Variants in CDK2AP2 observed in about 807,000 individuals in gnomAD.
The protein encoded by CDK2AP2 is cyclin dependent kinase 2 associated protein 2.
A neutral mutation model predicts 13.0 loss-of-function variants in CDK2AP2; 1 was observed. The ratio of observed to expected loss-of-function variants is 0.08; its 90% CI spans 0.03 to 0.37. The LOEUF (loss-of-function observed/expected upper bound fraction) is 0.37, where lower values mean the gene tolerates loss of function less well. Among genes scored for constraint, CDK2AP2 ranks in the 10% least tolerant of loss-of-function variants. CDK2AP2 has a pLI of 0.99. For missense variants in CDK2AP2, 129 were observed against 175.8 expected (o/e 0.73, Z 1.50); for synonymous variants, 76 against 73.0 (o/e 1.04, Z -0.21).
chr11:67,507,812 A>T, intron 1 of CDK2AP2, 123 bp from the exon 2 acceptor site: 1 of 1,537,558 alleles, frequency 6.5e-7, no homozygotes, highest in Non-Finnish European at 8.7e-7. Context: ...ATGCTGATCA[A>T]CTTCAGGGAC....
intron 1 of CDK2AP2, 128 bp downstream of exon 1, chr11:67,507,873 C>T: frequency 1.3e-6 from 2 of 1,541,482 alleles, no homozygotes; most frequent in Non-Finnish European, 1.7e-6. Context: ...ACCACGCCCA[C>T]TTCACAGGCC....
At position 67,507,450 on chromosome 11, in the gene CDK2AP2, G is replaced by A. The variant is rs778028166; in HGVS notation, c.228C>T (p.Asp76=). The A allele has an allele frequency of 6.2e-7, 1 of 1,613,960 alleles. No homozygotes were observed. Among genetic ancestry groups the A allele is most frequent in the African/African-American group, 1.3e-5 (1 of 75,076 alleles). The change falls in exon 3 of 4, where the codon GAC becomes GAT. Residue 76 remains aspartate (D), a synonymous_variant. Transcript: ENST00000301488. ...CCATCTCCTCTATGACTGACAGCAG[G>A]TCCGTGTAGGTGCTCTGGGAGCCCT... ...GAQGSQSTYT[D]LLSVIEEMGK... is the part of the protein sequence containing the mutation.
At chr11:67,507,051 C>T (rs1266282739) in intron 3 of CDK2AP2, 39 bp from the exon 4 acceptor site, 7 of 1,425,126 alleles carry the variant, frequency 4.9e-6, no homozygotes, top group Non-Finnish European at 6.7e-6. Flanking sequence ...CTCCACAGCC[C>T]CACCCACTGC....
chr11:67,508,070 G>C lies in CDK2AP2; in HGVS notation c.13C>G (p.Pro5Ala), dbSNP rs765388352. ...GTGCTGCTGGGAGCAGGGGCGATGG[G>C]TTTGTAGGACATCCCCAACTCCTGG... MSYK[P>A]IAPAPSSTPG... The change falls in exon 1 of 4, where the codon CCC (proline) becomes GCC (alanine). Residue 5 changes from proline to alanine, a missense_variant. Pro to Ala is a conservative substitution (Grantham distance 27). Around this residue, in one of 2 missense-constraint regions of CDK2AP2, gnomAD observed 98 missense variants for 99.7 expected, o/e 0.98. Coordinates refer to ENST00000301488, the MANE Select transcript of CDK2AP2 (RefSeq NM_005851.5). The C allele has an allele frequency of 3.4e-6, 5 of 1,490,488 alleles. No homozygotes were observed. Among genetic ancestry groups the C allele is most frequent in the Non-Finnish European group, 4.5e-6 (5 of 1,121,076 alleles). 92.3% of individuals were successfully genotyped at this position (1,490,488 alleles called of 1,614,324 possible).
At chr11:67,507,881 G>A (rs1450087002) in intron 1 of CDK2AP2, 120 bp downstream of exon 1, 2 of 1,542,416 alleles carry the variant, frequency 1.3e-6, no homozygotes, top group African/African-American at 1.4e-5. Flanking sequence ...CACTTCACAG[G>A]CCAGCAAACT....
In CDK2AP2 at chr11:67,506,851, G is replaced by C. The variant is rs1389108830; in HGVS notation, c.*94C>G. On this transcript the variant is annotated 3_prime_UTR_variant, in exon 4 of 4. Coordinates refer to ENST00000301488, the MANE Select transcript of CDK2AP2 (RefSeq NM_005851.5). ...CAAGGGACACAGGACAGGAAGCCCAGGATGGTTAGTGCAACTCGGGATGAA... is the reference window on the plus strand; with the variant it reads ...CAAGGGACACAGGACAGGAAGCCCACGATGGTTAGTGCAACTCGGGATGAA... 5 of 1,075,256 alleles carry C rather than the reference G, an allele frequency of 4.7e-6. No homozygotes were observed. The highest frequency in any genetic ancestry group is 6.9e-6 in the Non-Finnish European group (5 of 721,210). 66.6% of individuals were successfully genotyped at this position (1,075,256 alleles called of 1,614,324 possible).
In CDK2AP2 at chr11:67,506,909, G is replaced by A. The variant is rs796427818; in HGVS notation, c.*36C>T. On this transcript the variant is annotated 3_prime_UTR_variant, in exon 4 of 4. Coordinates refer to ENST00000301488, the MANE Select transcript of CDK2AP2 (RefSeq NM_005851.5). Reference sequence around the variant, plus strand: ...GAGAAGCGGGTGCTCTGCAGTGGCCGGATAGGTCCAGACGCTGAGGCCGAG... The same window carrying A: ...GAGAAGCGGGTGCTCTGCAGTGGCCAGATAGGTCCAGACGCTGAGGCCGAG... 3.3e-6 allele frequency: 5 copies of A among 1,527,546 alleles called. No individual in the cohort carries two copies. The highest frequency in any genetic ancestry group is 2.4e-5 in the East Asian group (1 of 40,860). 94.6% of individuals were successfully genotyped at this position (1,527,546 alleles called of 1,614,324 possible). A position where few individuals can be genotyped will look rare whatever the true frequency, so the allele number is the denominator to read the frequency against.
In CDK2AP2 at chr11:67,507,016, G is replaced by C; in HGVS notation, c.314-4C>G. 6.5e-7 allele frequency: 1 copy of C among 1,544,464 alleles called. No individual in the cohort carries two copies. On this transcript the variant is annotated splice_region_variant and splice_polypyrimidine_tract_variant and intron_variant, in intron 3 of 3. Transcript: ENST00000301488. The stretch of plus-strand genomic sequence containing the variant: ...AGGGCCCGGGCATGGATGATACCTG[G>C]GGGTGGGGTGGGGTCTCAGCAACCC...
Position 67,506,667 on chromosome 11 carries a change from A to C in CDK2AP2, c.*278T>G. 3 of 503,584 alleles carry C rather than the reference A, an allele frequency of 6.0e-6. No homozygotes were observed. The highest frequency in any genetic ancestry group is 1.1e-5 in the Non-Finnish European group (3 of 282,104). 31.2% of individuals were successfully genotyped at this position (503,584 alleles called of 1,614,324 possible). A position where few individuals can be genotyped will look rare whatever the true frequency, so the allele number is the denominator to read the frequency against. On this transcript the variant is annotated 3_prime_UTR_variant, in exon 4 of 4. Transcript: ENST00000301488. ...GGACAAAGTGGGAGAAGTGCTGGGA[A>C]GGGCTGAGCGGTAGGGGCCACAAAA...
In CDK2AP2 at chr11:67,507,587, C is replaced by T. The variant is rs1017035902; in HGVS notation, c.180+5G>A. ...ATCCATAAGCAAGGCTTTGGCCCCACTCACCTGCACGTAGCCCATGGAAGG... is the reference window on the plus strand; with the variant it reads ...ATCCATAAGCAAGGCTTTGGCCCCATTCACCTGCACGTAGCCCATGGAAGG... On this transcript the variant is annotated splice_donor_5th_base_variant and intron_variant, in intron 2 of 3. Transcript: ENST00000301488. 7 of 1,613,414 alleles carry T rather than the reference C, an allele frequency of 4.3e-6. No individual in the cohort carries two copies. The highest frequency in any genetic ancestry group is 5.1e-6 in the Non-Finnish European group (6 of 1,179,946).
At chr11:67,507,560 G>C in intron 2 of CDK2AP2, 32 bp downstream of exon 2, 1 of 1,613,464 alleles carries the variant, frequency 6.2e-7, no homozygotes, top group Non-Finnish European at 8.5e-7. Context: ...ACTCCAGTCC[G>C]CATCCATAAG....
In CDK2AP2 at chr11:67,506,842, G is replaced by C; in HGVS notation, c.*103C>G. On this transcript the variant is annotated 3_prime_UTR_variant, in exon 4 of 4. Transcript: ENST00000301488. Reference sequence around the variant, plus strand: ...GGGACCCACCAAGGGACACAGGACAGGAAGCCCAGGATGGTTAGTGCAACT... The same window carrying C: ...GGGACCCACCAAGGGACACAGGACACGAAGCCCAGGATGGTTAGTGCAACT... 1 of 989,522 alleles carries C rather than the reference G, an allele frequency of 1.0e-6. No homozygotes were observed. The highest frequency in any genetic ancestry group is 1.5e-6 in the Non-Finnish European group (1 of 648,382). 61.3% of individuals were successfully genotyped at this position (989,522 alleles called of 1,614,324 possible).
rs1377820674 is a variant in CDK2AP2, at chr11:67,508,040, C to T, written c.43G>A (p.Gly15Ser). The T allele has an allele frequency of 5.9e-6, 9 of 1,528,704 alleles. No homozygotes were observed. In the Admixed American group the frequency reaches 1.6e-4, roughly 28 times the overall value. The allele number at this position is 1,528,704 out of a possible 1,614,324, so 94.7% of individuals were successfully genotyped here. ...GTGCCCGGCCCAGGGGTGCTGGAGC[C>T]AGGGGTGCTGCTGGGAGCAGGGGCG... ...PIAPAPSSTP[G>S]SSTPGPGTPV... Residue 15 changes from glycine to serine, a missense_variant, in exon 1 of 4, where the codon GGC (glycine) becomes AGC (serine). Gly to Ser is a moderately conservative substitution (Grantham distance 56, BLOSUM62 0). Coordinates refer to ENST00000301488, the MANE Select transcript of CDK2AP2 (RefSeq NM_005851.5).
At chr11:67,507,790 A>G (rs1367394249) in intron 1 of CDK2AP2, 101 bp from the exon 2 acceptor site, 7 of 1,547,824 alleles carry the variant, frequency 4.5e-6, no homozygotes, top group Non-Finnish European at 5.2e-6. Flanking sequence ...CCTCCAAAGG[A>G]TGCTTCATTC....
intron 1 of CDK2AP2, 39 bp downstream of exon 1, chr11:67,507,962 C>T: frequency 6.5e-7 from 1 of 1,549,700 alleles, no homozygotes; most frequent in Admixed American, 2.0e-5. Flanking sequence ...GAGACCTCGA[C>T]CGCCCGGCAG....
rs1313892042 is a variant in CDK2AP2, at chr11:67,506,903, G to A, written c.*42C>T. 1 of 1,508,168 alleles carries A rather than the reference G, an allele frequency of 6.6e-7. No homozygotes were observed. Among genetic ancestry groups the A allele is most frequent in the Non-Finnish European group, 9.0e-7 (1 of 1,108,304 alleles). 93.4% of individuals were successfully genotyped at this position (1,508,168 alleles called of 1,614,324 possible). ...GCCAGGGAGAAGCGGGTGCTCTGCA[G>A]TGGCCGGATAGGTCCAGACGCTGAG... On this transcript the variant is annotated 3_prime_UTR_variant, in exon 4 of 4. Transcript: ENST00000301488.
At chr11:67,507,563 T>C (rs1866559603) in intron 2 of CDK2AP2, 29 bp downstream of exon 2, 12 of 1,613,410 alleles carry the variant, frequency 7.4e-6, no homozygotes, top group South Asian at 2.2e-5. Flanking sequence ...CCAGTCCGCA[T>C]CCATAAGCAA....
In CDK2AP2 at chr11:67,508,004, T is replaced by G. The variant is rs1410242353; in HGVS notation, c.79A>C (p.Thr27Pro). The G allele has an allele frequency of 6.5e-7, 1 of 1,546,084 alleles. No homozygotes were observed. The highest frequency in any genetic ancestry group is 1.2e-5 in the South Asian group (1 of 83,662). The change falls in exon 1 of 4, where the codon ACA becomes CCA. Residue 27 changes from threonine (T) to proline (P), a missense_variant. Around this residue, in one of 2 missense-constraint regions of CDK2AP2, gnomAD observed 98 missense variants for 99.7 expected, o/e 0.98. Coordinates refer to ENST00000301488, the MANE Select transcript of CDK2AP2 (RefSeq NM_005851.5). ...STPGPGTPVP[T>P]GSVPSPSGSV... Reference sequence around the variant, plus strand: ...AGGGGTGGAGCTGGATCCTCACCTGTAGGGACCGGGGTGCCCGGCCCAGGG... The same window carrying G: ...AGGGGTGGAGCTGGATCCTCACCTGGAGGGACCGGGGTGCCCGGCCCAGGG...
At position 67,506,934 on chromosome 11, in the gene CDK2AP2, G is replaced by C; in HGVS notation, c.*11C>G. The C allele has an allele frequency of 6.4e-7, 1 of 1,553,074 alleles. No individual in the cohort carries two copies. Among genetic ancestry groups the C allele is most frequent in the Non-Finnish European group, 8.7e-7 (1 of 1,147,756 alleles). ...GGATAGGTCCAGACGCTGAGGCCGAGGCGCTTCCTGTTACGTGCGGGCGTT... is the reference window on the plus strand; with the variant it reads ...GGATAGGTCCAGACGCTGAGGCCGACGCGCTTCCTGTTACGTGCGGGCGTT... On this transcript the variant is annotated 3_prime_UTR_variant, in exon 4 of 4. Coordinates refer to ENST00000301488, the MANE Select transcript of CDK2AP2 (RefSeq NM_005851.5).
Sources: allele counts gnomAD v4.1 joint callset, GRCh38; gene constraint gnomAD v4.1.1; regional missense constraint gnomAD v4.1.1; transcripts MANE v1.5; gene names NCBI Gene and HGNC (gene_info 2026-07-23, HGNC 2026-07-21).